GRIA1: variants seen among roughly 807,000 people sequenced by gnomAD.
The protein encoded by GRIA1 is glutamate receptor 1.
A neutral mutation model predicts 99.2 loss-of-function variants in GRIA1; 31 were observed. The observed-to-expected ratio is 0.31, with a 90% CI of 0.23 to 0.42. GRIA1 has a LOEUF of 0.42. GRIA1 is among the 10% of genes least tolerant of loss of function. The pLI is 1.00. For synonymous variants in GRIA1, 438 were observed against 432.4 expected (o/e 1.01, Z -0.16); for missense variants, 782 against 1,157.5 (o/e 0.68, Z 4.71).
chr5:153,711,430 T>C (rs1365390941), intron 11 of GRIA1, among the ~76,000 whole-genome samples: 2 of 152,080 alleles, frequency 1.3e-5, no homozygotes, highest in Non-Finnish European at 2.9e-5. Flanking sequence ...GGATTGGATC[T>C]ATGAGGATGA....
chr5:153,601,881 G>A (rs550398742), intron 2 of GRIA1, among the ~76,000 whole-genome samples: 1 of 152,278 alleles, frequency 6.6e-6, no homozygotes, highest in Non-Finnish European at 1.5e-5. Flanking sequence ...TATGTGCCTA[G>A]TATTGGCCAG....
intron 11 of GRIA1, among the ~76,000 whole-genome samples, chr5:153,718,777 GGC>G (rs1160498633): frequency 6.6e-6 from 1 of 152,084 alleles, no homozygotes; most frequent in African/African-American, 2.4e-5. Context: ...CTCACTGACA[GGC>G]ATCTCCTTAT....
intron 2 of GRIA1, among the ~76,000 whole-genome samples, chr5:153,505,929 A>G (rs1451877336): frequency 6.6e-6 from 1 of 152,200 alleles, no homozygotes; most frequent in Non-Finnish European, 1.5e-5. Flanking sequence ...CTGAGCTCAG[A>G]TATAAAAGTT....
At chr5:153,620,210 G>A (rs1581345409) in intron 2 of GRIA1, among the ~76,000 whole-genome samples, 2 of 152,232 alleles carry the variant, frequency 1.3e-5, no homozygotes, top group African/African-American at 4.8e-5. Context: ...TATTGTACAT[G>A]CCGAAATGAG....
In GRIA1 at chr5:153,794,753, A is replaced by G. The variant is rs1433663987; in HGVS notation, c.2385+18A>G. 1 of 1,498,022 alleles carries G rather than the reference A, an allele frequency of 6.7e-7. No homozygotes were observed. The highest frequency in any genetic ancestry group is 9.2e-7 in the Non-Finnish European group (1 of 1,081,498). 92.8% of individuals were successfully genotyped at this position (1,498,022 alleles called of 1,614,324 possible). On this transcript the variant is annotated intron_variant, in intron 14 of 15. Coordinates refer to ENST00000285900, the MANE Select transcript of GRIA1 (RefSeq NM_000827.4). ...ATTCCAAGGTCAGCCCCAGTAAGAAAAAAAAAAACCTAGTGGGTATGAAAT... is the reference window on the plus strand; with the variant it reads ...ATTCCAAGGTCAGCCCCAGTAAGAAGAAAAAAAACCTAGTGGGTATGAAAT...
chr5:153,786,486 T>C (rs1326683387), intron 13 of GRIA1, among the ~76,000 whole-genome samples: 1 of 151,800 alleles, frequency 6.6e-6, no homozygotes, highest in Non-Finnish European at 1.5e-5. Flanking sequence ...ACATACTAGA[T>C]TGCATGGTCC....
chr5:153,656,648 C>A (rs572316831), intron 5 of GRIA1, among the ~76,000 whole-genome samples: 1 of 152,026 alleles, frequency 6.6e-6, no homozygotes, highest in African/African-American at 2.4e-5. Flanking sequence ...CTATCCAAAG[C>A]CAAATGTATT....
chr5:153,554,083 G>T (rs1760397393), intron 2 of GRIA1, among the ~76,000 whole-genome samples: 1 of 152,168 alleles, frequency 6.6e-6, no homozygotes, highest in Non-Finnish European at 1.5e-5. Flanking sequence ...CTTTATAAGT[G>T]GTTCAAAACT....
At position 153,515,572 on chromosome 5, in the gene GRIA1, ATATAT is replaced by A. The variant is rs566532342; in HGVS notation, c.220+21511_220+21515del. ...CACAACAAAGTGACTGTAGTTAATA[ATATAT>A]TATGTATTTCAAAATTTCTAAAAGA... is the stretch of plus-strand genomic sequence containing the variant. On this transcript the variant is annotated intron_variant, in intron 2 of 15. Transcript: ENST00000285900. 3.7e-4 allele frequency among the ~76,000 whole-genome samples: 56 copies of A among 152,302 alleles called. 1 individual carries two copies. Among genetic ancestry groups the A allele is most frequent in the African/African-American group, 1.2e-3 (49 of 41,570 alleles).
chr5:153,691,423 G>A (rs1757743686), intron 8 of GRIA1, among the ~76,000 whole-genome samples: 2 of 152,122 alleles, frequency 1.3e-5, no homozygotes, highest in Admixed American at 1.3e-4. Context: ...TTTTTAGACT[G>A]GGTGGAGGAA....
At chr5:153,737,020 A>G (rs546253197) in intron 11 of GRIA1, among the ~76,000 whole-genome samples, 24 of 152,204 alleles carry the variant, frequency 1.6e-4, no homozygotes, top group Non-Finnish European at 3.1e-4. Context: ...CCCTGGTTCT[A>G]TCAGTAAAAT....
intron 2 of GRIA1, among the ~76,000 whole-genome samples, chr5:153,576,735 A>C (rs1485810806): frequency 5.9e-5 from 9 of 152,214 alleles, no homozygotes; most frequent in Admixed American, 5.2e-4. Context: ...TTCACTTGCC[A>C]AGTTATACTA....
At chr5:153,635,352 G>C (rs558843330) in intron 2 of GRIA1, among the ~76,000 whole-genome samples, 28 of 152,294 alleles carry the variant, frequency 1.8e-4, no homozygotes, top group African/African-American at 6.7e-4. Context: ...GAGATGACTG[G>C]GCCAGGAGGG....
At chr5:153,549,488 A>C (rs182358837) in intron 2 of GRIA1, among the ~76,000 whole-genome samples, 1 of 152,146 alleles carries the variant, frequency 6.6e-6, no homozygotes, top group Non-Finnish European at 1.5e-5. Context: ...ATCAGATTGG[A>C]GTCTGGAAGA....
chr5:153,670,152 A>G (rs569434226), intron 5 of GRIA1, among the ~76,000 whole-genome samples: 1 of 152,328 alleles, frequency 6.6e-6, no homozygotes, highest in South Asian at 2.1e-4. Flanking sequence ...TTTAATAATG[A>G]CAGTAGACAC....
intron 2 of GRIA1, among the ~76,000 whole-genome samples, chr5:153,585,245 C>T (rs1315635644): frequency 6.6e-6 from 1 of 151,564 alleles, no homozygotes; most frequent in Non-Finnish European, 1.5e-5. Flanking sequence ...TTCCTTCCCC[C>T]TCCCCTCATT....
intron 2 of GRIA1, among the ~76,000 whole-genome samples, chr5:153,598,990 T>G (rs1581298140): frequency 6.6e-6 from 1 of 152,196 alleles, no homozygotes; most frequent in East Asian, 1.9e-4. Context: ...CATGCCATTC[T>G]CCTGCCTCAG....
chr5:153,546,818 G>T (rs959074546), intron 2 of GRIA1, among the ~76,000 whole-genome samples: 2 of 152,138 alleles, frequency 1.3e-5, no homozygotes, highest in Non-Finnish European at 2.9e-5. Context: ...GCCTTATAAG[G>T]ATCCTTTGAA....
chr5:153,810,095 C>T (rs564124941), intron 15 of GRIA1, among the ~76,000 whole-genome samples: 29 of 152,320 alleles, frequency 1.9e-4, no homozygotes, highest in Admixed American at 7.8e-4. Context: ...TTGTCTAAGA[C>T]GATATGGTTC....
Sources: allele counts gnomAD v4.1 joint callset (sites outside exome capture counted in the v4.1 genomes callset), GRCh38; gene constraint gnomAD v4.1.1; transcripts MANE v1.5; gene names NCBI Gene and HGNC (gene_info 2026-07-23, HGNC 2026-07-21).